The following CSMD1 variants were observed in gnomAD, a reference collection of about 807,000 sequenced individuals.
CSMD1 encodes the protein CUB and Sushi multiple domains 1.
CSMD1 carries 213 observed loss-of-function variants against 417.5 expected under a neutral mutation model. That is an observed-to-expected ratio of 0.51 (90% CI 0.46 to 0.57). CSMD1 has a LOEUF of 0.57. Ranked by LOEUF, CSMD1 falls within the 20% of genes least tolerant of loss-of-function variation. The probability of loss-of-function intolerance (pLI) is 0.00; values close to 1 mark genes in which losing one functional copy is unlikely to be tolerated. For missense variants in CSMD1, 6,923 were observed against 4,529.7 expected (o/e 1.53, Z -15.17); for synonymous variants, 2,862 against 1,736.8 (o/e 1.65, Z -16.11).
At chr8:3,413,498 A>G (rs1346083851) in intron 12 of CSMD1, among the ~76,000 whole-genome samples, 1 of 152,192 alleles carries the variant, frequency 6.6e-6, no homozygotes, top group Admixed American at 6.5e-5. Flanking sequence ...TTGACAAGTA[A>G]CTGTCAAAGT....
intron 3 of CSMD1, among the ~76,000 whole-genome samples, chr8:4,164,694 T>C (rs181192202): frequency 1.6e-4 from 24 of 152,208 alleles, no homozygotes; most frequent in African/African-American, 5.5e-4. Context: ...TAAAATATGT[T>C]GCTGAGGTGG....
intron 52 of CSMD1, among the ~76,000 whole-genome samples, chr8:3,013,525 C>A (rs1200105568): frequency 2.0e-5 from 3 of 152,122 alleles, no homozygotes; most frequent in Non-Finnish European, 4.4e-5. Context: ...CCAAGGCGGG[C>A]AGATCACCCA....
intron 2 of CSMD1, among the ~76,000 whole-genome samples, chr8:4,453,475 T>C (rs1203776180): frequency 1.3e-5 from 2 of 152,192 alleles, no homozygotes; most frequent in African/African-American, 4.8e-5. Context: ...ATGCGAAGTC[T>C]GGCTGAATTC....
intron 3 of CSMD1, among the ~76,000 whole-genome samples, chr8:4,146,827 G>A (rs931286704): frequency 4.0e-5 from 6 of 149,644 alleles, no homozygotes; most frequent in Non-Finnish European, 7.4e-5. Flanking sequence ...AGGCAGGATA[G>A]TCTCGATCTC....
At position 4,166,236 on chromosome 8, in the gene CSMD1, G is replaced by A. The variant is rs7838883; in HGVS notation, c.416-134137C>T. Among the ~76,000 whole-genome samples the A allele has an allele frequency of 5.1e-3, 773 of 152,132 alleles. 10 individuals carry two copies. Among genetic ancestry groups the A allele is most frequent in the African/African-American group, 0.018 (750 of 41,516 alleles). On this transcript the variant is annotated intron_variant, in intron 3 of 69. Coordinates refer to ENST00000635120, the MANE Select transcript of CSMD1 (RefSeq NM_033225.6). ...TATTTCATTTAACCCAATATATCCA[G>A]ATTATCATATCAATATGCATTTGAT...
intron 3 of CSMD1, among the ~76,000 whole-genome samples, chr8:4,302,455 C>G (rs1010828596): frequency 4.6e-5 from 7 of 152,126 alleles, no homozygotes; most frequent in African/African-American, 1.7e-4. Flanking sequence ...TCACACATAT[C>G]GTGCAGACAA....
intron 5 of CSMD1, among the ~76,000 whole-genome samples, chr8:3,918,358 A>G (rs1284389876): frequency 6.6e-6 from 1 of 152,082 alleles, no homozygotes; most frequent in African/African-American, 2.4e-5. Flanking sequence ...GTCCGCATCA[A>G]CACATATATT....
chr8:3,379,874 G>C (rs1249051311), intron 18 of CSMD1, among the ~76,000 whole-genome samples: 3 of 152,132 alleles, frequency 2.0e-5, no homozygotes, highest in African/African-American at 7.2e-5. Flanking sequence ...AAAAGCAATG[G>C]CAACAGAATC....
chr8:3,743,586 G>C (rs971589713), intron 6 of CSMD1, among the ~76,000 whole-genome samples: 2 of 152,118 alleles, frequency 1.3e-5, no homozygotes, highest in Non-Finnish European at 2.9e-5. Flanking sequence ...TTACGCCGAA[G>C]GGAAAAGTCA....
chr8:3,918,926 G>T (rs1479131259), intron 5 of CSMD1, among the ~76,000 whole-genome samples: 1 of 133,146 alleles, frequency 7.5e-6, no homozygotes, highest in Non-Finnish European at 1.7e-5. Context: ...ACTGGGTTCA[G>T]TGTGGGCTGC....
At chr8:3,608,377 G>A (rs572901114) in intron 8 of CSMD1, among the ~76,000 whole-genome samples, 2 of 152,068 alleles carry the variant, frequency 1.3e-5, no homozygotes, top group African/African-American at 4.8e-5. Context: ...CAGTTGAGAA[G>A]CTCAAGTTTC....
At chr8:3,286,587 G>C (rs1285840453) in intron 25 of CSMD1, among the ~76,000 whole-genome samples, 3 of 152,010 alleles carry the variant, frequency 2.0e-5, no homozygotes, top group Non-Finnish European at 2.9e-5. Flanking sequence ...GTGATAATGA[G>C]CATTTTTTCA....
At chr8:4,993,264 A>G (rs1263551554) in intron 1 of CSMD1, among the ~76,000 whole-genome samples, 1 of 152,218 alleles carries the variant, frequency 6.6e-6, no homozygotes, top group Non-Finnish European at 1.5e-5. Context: ...AACCCTTTGT[A>G]GATACAGATA....
chr8:4,248,662 C>T (rs1420160110), intron 3 of CSMD1, among the ~76,000 whole-genome samples: 1 of 152,146 alleles, frequency 6.6e-6, no homozygotes, highest in African/African-American at 2.4e-5. Flanking sequence ...GACCACCCAC[C>T]ATCAGCCTCC....
At chr8:3,919,648 C>CT (rs1305347863) in intron 5 of CSMD1, among the ~76,000 whole-genome samples, 19 of 151,772 alleles carry the variant, frequency 1.3e-4, no homozygotes, top group Admixed American at 1.1e-3. Flanking sequence ...AATTTTATGA[C>CT]TTTTTTTTCT....
At chr8:4,225,797 T>G (rs1411872289) in intron 3 of CSMD1, among the ~76,000 whole-genome samples, 1 of 152,172 alleles carries the variant, frequency 6.6e-6, no homozygotes, top group East Asian at 1.9e-4. Context: ...AAATTAATAT[T>G]TTATTGCATG....
chr8:4,108,581 T>C (rs865881489), intron 3 of CSMD1, among the ~76,000 whole-genome samples: 1 of 152,194 alleles, frequency 6.6e-6, no homozygotes, highest in Non-Finnish European at 1.5e-5. Context: ...GCCATCCCTT[T>C]AGATTTCCAC....
intron 7 of CSMD1, among the ~76,000 whole-genome samples, chr8:3,658,902 A>G (rs1029618803): frequency 6.6e-5 from 10 of 152,230 alleles, no homozygotes; most frequent in African/African-American, 1.9e-4. Context: ...TGCCATTTCA[A>G]TTAATAATTC....
intron 5 of CSMD1, among the ~76,000 whole-genome samples, chr8:3,934,999 T>C (rs1476428958): frequency 2.0e-5 from 3 of 152,252 alleles, no homozygotes; most frequent in East Asian, 1.9e-4. Flanking sequence ...GTAATACACA[T>C]AATCAAGTGC....
Sources: allele counts gnomAD v4.1 joint callset (sites outside exome capture counted in the v4.1 genomes callset), GRCh38; gene constraint gnomAD v4.1.1; transcripts MANE v1.5; gene names NCBI Gene and HGNC (gene_info 2026-07-23, HGNC 2026-07-21).